LLGL2: variants seen among roughly 807,000 people sequenced by gnomAD.
LLGL2 encodes LLGL scribble cell polarity complex component 2.
Under a neutral mutation model 123.2 loss-of-function variants are expected in LLGL2, and 81 were observed. That is an observed-to-expected ratio of 0.66 (90% CI 0.55 to 0.79). The LOEUF (loss-of-function observed/expected upper bound fraction) is 0.79, where lower values mean the gene tolerates loss of function less well. Among genes scored for constraint, LLGL2 ranks in the 30% least tolerant of loss-of-function variants. The pLI, the probability that LLGL2 is intolerant of heterozygous loss-of-function variation, is 0.00. For missense variants in LLGL2, 1,273 were observed against 1,414.6 expected (o/e 0.90, Z 1.61); for synonymous variants, 577 against 594.1 (o/e 0.97, Z 0.42).
Position 75,563,070 on chromosome 17 carries a change from G to A in LLGL2, c.585G>A (p.Gln195=). Residue 195 remains glutamine, a synonymous_variant, in exon 7 of 26, where the codon CAG becomes CAA. Transcript: ENST00000392550. ...RRVFEMVEAL[Q]EHPRDPNQIL... ...TGTTCGAGATGGTGGAGGCACTGCA[G>A]GAGCACCCTCGAGACCCCAACCAGA... 6.2e-7 allele frequency: 1 copy of A among 1,613,196 alleles called. No individual in the cohort carries two copies. Among genetic ancestry groups the A allele is most frequent in the Non-Finnish European group, 8.5e-7 (1 of 1,180,034 alleles).
chr17:75,572,123 G>C (rs2055741604), intron 19 of LLGL2, 59 bp downstream of exon 19: 1 of 1,529,192 alleles, frequency 6.5e-7, no homozygotes, highest in Non-Finnish European at 8.9e-7. Flanking sequence ...AGGAGGCTCG[G>C]ACCTTGGGCA....
At chr17:75,563,999 A>T (rs2055339614) in intron 9 of LLGL2, among the ~76,000 whole-genome samples, 193 bp downstream of exon 9, 1 of 152,206 alleles carries the variant, frequency 6.6e-6, no homozygotes, top group Admixed American at 6.5e-5. Context: ...TGCCAAGTTC[A>T]TTCTTGCTCC....
rs545621523 is a variant in LLGL2 at position 75,527,431 on chromosome 17, G to A, written c.-31+1606G>A. ...GTGGGGGCTCCTGGACAGGGTTTCC[G>A]GGGTCCAGGGTCATTTGGCATCCCC... On this transcript the variant is annotated intron_variant, in intron 1 of 25. Transcript: ENST00000392550. 9.9e-5 allele frequency among the ~76,000 whole-genome samples: 15 copies of A among 152,200 alleles called. No homozygotes were observed. The South Asian group carries it at 3.1e-3, about 32-fold the overall frequency.
In LLGL2 at chr17:75,564,579, A is replaced by G; in HGVS notation, c.1036+72A>G. ...ATGGGGCAGGACCATCAGTAAAGAC[A>G]GGGCCAGGTGCAGTGGCTCCTGCCT... On this transcript the variant is annotated intron_variant, in intron 10 of 25. Transcript: ENST00000392550. The surrounding 1 kb of genome is among the most constrained non-coding windows in gnomAD (Gnocchi z 4.9). The G allele has an allele frequency of 8.2e-6, 13 of 1,591,154 alleles. No homozygotes were observed. Among genetic ancestry groups the G allele is most frequent in the Non-Finnish European group, 1.1e-5 (13 of 1,164,560 alleles).
In LLGL2 at chr17:75,574,638, G is replaced by T. The variant is rs61751715; in HGVS notation, c.3025G>T (p.Ala1009Ser). The change falls in exon 25 of 26, where the codon GCC (alanine) becomes TCC (serine). Residue 1009 changes from alanine (A) to serine (S), a missense_variant. Transcript: ENST00000392550. ...CGGCAACTGGCGTTCACATCGAGCC[G>T]CCGTGGGGTGCAGCCTCAGCAATGG... ...GSGNWRSHRA[A>S]VGCSLSNGGA... is the part of the protein sequence containing the mutation. The T allele has an allele frequency of 1.2e-6, 2 of 1,612,048 alleles. No homozygotes were observed. Among genetic ancestry groups the T allele is most frequent in the Non-Finnish European group, 1.7e-6 (2 of 1,179,658 alleles).
chr17:75,543,709 CATCTG>C (rs1457012609), intron 2 of LLGL2, among the ~76,000 whole-genome samples: 43 of 152,266 alleles, frequency 2.8e-4, no homozygotes, highest in Non-Finnish European at 4.1e-4. Flanking sequence ...TGGGACTTCT[CATCTG>C]AAGGCTTTCA....
In LLGL2 at chr17:75,573,581, C is replaced by G; in HGVS notation, c.2826C>G (p.Asn942Lys). ...RCLVDSAETK[N>K]HRPGNGAGPK... ...TGGTGGATTCAGCAGAAACCAAGAA[C>G]CACCGCCCTGGTAACGGTGCGGGCC... is the stretch of plus-strand genomic sequence containing the variant. Residue 942 changes from asparagine (N) to lysine (K), a missense_variant, in exon 21 of 26, where the codon AAC becomes AAG. By Grantham distance (94) the Asn-to-Lys change is moderately conservative. Coordinates refer to ENST00000392550, the MANE Select transcript of LLGL2 (RefSeq NM_001031803.2). 1 of 1,612,692 alleles carries G rather than the reference C, an allele frequency of 6.2e-7. No individual in the cohort carries two copies. The highest frequency in any genetic ancestry group is 1.1e-5 in the South Asian group (1 of 91,088).
At chr17:75,545,951 C>T (rs1027159323) in intron 2 of LLGL2, among the ~76,000 whole-genome samples, 7 of 152,122 alleles carry the variant, frequency 4.6e-5, no homozygotes, top group African/African-American at 4.8e-5. Flanking sequence ...TTAGCAGTGT[C>T]CCTAGTCCTA....
Position 75,558,675 on chromosome 17 carries a change from C to T in LLGL2, c.371+48C>T, listed in dbSNP as rs66614718. 286,117 of 1,443,456 alleles carry T rather than the reference C, an allele frequency of 0.2. 32,694 individuals are homozygous for T. Among genetic ancestry groups the T allele is most frequent in the Non-Finnish European group, 0.23 (245,663 of 1,049,376 alleles). 89.4% of individuals were successfully genotyped at this position (1,443,456 alleles called of 1,614,324 possible). On this transcript the variant is annotated intron_variant, in intron 5 of 25. Coordinates refer to ENST00000392550, the MANE Select transcript of LLGL2 (RefSeq NM_001031803.2). This position sits in a 1 kb window ranked among gnomAD's most constrained non-coding sequence, Gnocchi z 4.0. ...CTTCCACTCCCAGCCCAGCCTGACC[C>T]TTGCCCTTAGCTCTGGAGTGGACTC...
Position 75,543,463 on chromosome 17 carries a change from C to G in LLGL2, c.37C>G (p.Arg13Gly). The part of the protein sequence containing the change: ...RFLRPGHDPV[R>G]ERLKRDLFQF... ...CCTGAGGCCAGGGCATGACCCTGTG[C>G]GGGAGAGGCTCAAGCGGGACCTGTT... Residue 13 changes from arginine (R) to glycine (G), a missense_variant, in exon 2 of 26, where the codon CGG becomes GGG. Physicochemically the swap from Arg to Gly is moderately radical, Grantham distance 125. Coordinates refer to ENST00000392550, the MANE Select transcript of LLGL2 (RefSeq NM_001031803.2). 6.2e-7 allele frequency: 1 copy of G among 1,611,890 alleles called. No homozygotes were observed. Among genetic ancestry groups the G allele is most frequent in the Non-Finnish European group, 8.5e-7 (1 of 1,178,776 alleles).
chr17:75,558,846 A>ATCCACACCCTG lies in LLGL2; in HGVS notation c.371+219_371+220insTCCACACCCTG, dbSNP rs1568051979. Reference sequence around the variant, plus strand: ...ACCACGCCTCCTCCATCCGCACCCCACCTCCTCCATCCGCACCCCGCCTCC... The same window carrying ATCCACACCCTG: ...ACCACGCCTCCTCCATCCGCACCCCATCCACACCCTGCCTCCTCCATCCGCACCCCGCCTCC... On this transcript the variant is annotated intron_variant, in intron 5 of 25. Transcript: ENST00000392550. This position sits in a 1 kb window ranked among gnomAD's most constrained non-coding sequence, Gnocchi z 4.0. 1 of 288,374 alleles carries ATCCACACCCTG rather than the reference A, an allele frequency of 3.5e-6. No homozygotes were observed. Among genetic ancestry groups the ATCCACACCCTG allele is most frequent in the African/African-American group, 4.3e-5 (1 of 23,202 alleles). The allele number at this position is 288,374 out of a possible 1,614,324, so 17.9% of individuals were successfully genotyped here. A position where few individuals can be genotyped will look rare whatever the true frequency, so the allele number is the denominator to read the frequency against.
chr17:75,544,528 C>T lies in LLGL2; in HGVS notation c.75+1027C>T, dbSNP rs2054340190. Reference sequence around the variant, plus strand: ...TGCCCAGGTGCAAACCCAACTTTGCCACATAGAAGCTGGATGGCCGTGTGC... The same window carrying T: ...TGCCCAGGTGCAAACCCAACTTTGCTACATAGAAGCTGGATGGCCGTGTGC... On this transcript the variant is annotated intron_variant, in intron 2 of 25. Transcript: ENST00000392550. The surrounding 1 kb of genome is among the most constrained non-coding windows in gnomAD (Gnocchi z 4.2). 6.6e-6 allele frequency among the ~76,000 whole-genome samples: 1 copy of T among 152,238 alleles called. No individual in the cohort carries two copies. Among genetic ancestry groups the T allele is most frequent in the Non-Finnish European group, 1.5e-5 (1 of 68,042 alleles).
At chr17:75,546,115 G>A (rs4073421) in intron 2 of LLGL2, 47,822 of 152,172 alleles carry the variant, frequency 0.31, 8,595 homozygotes, top group South Asian at 0.57. Flanking sequence ...CAGTAAAGAG[G>A]GAGGGGATGG....
rs557015408 is a variant in LLGL2 at position 75,544,011 on chromosome 17, G to C, written c.75+510G>C. On this transcript the variant is annotated intron_variant, in intron 2 of 25. Transcript: ENST00000392550. The surrounding 1 kb of genome is among the most constrained non-coding windows in gnomAD (Gnocchi z 4.2). ...ACGTGATTCCTTCTGGCTCCGGCCG[G>C]GGTGAGTGGGGAGAGGTGCCCAGGA... is the stretch of plus-strand genomic sequence containing the variant. Among the ~76,000 whole-genome samples, 1 of 152,306 alleles carries C rather than the reference G, an allele frequency of 6.6e-6. No individual in the cohort carries two copies. The highest frequency in any genetic ancestry group is 2.4e-5 in the African/African-American group (1 of 41,564).
At chr17:75,530,452 C>T (rs2053738005) in intron 1 of LLGL2, among the ~76,000 whole-genome samples, 1 of 152,080 alleles carries the variant, frequency 6.6e-6, no homozygotes, top group Non-Finnish European at 1.5e-5. Flanking sequence ...AGATCGAGAC[C>T]ATCCTGGCTA....
rs1289539643 is a variant in LLGL2 at position 75,544,192 on chromosome 17, G to A, written c.75+691G>A. The stretch of plus-strand genomic sequence containing the variant: ...TGCAGTGTGGCTCTTCAGCTCCCGG[G>A]CCACCAAGCAGTGTGGGGCCTTGTG... On this transcript the variant is annotated intron_variant, in intron 2 of 25. Transcript: ENST00000392550. This position sits in a 1 kb window ranked among gnomAD's most constrained non-coding sequence, Gnocchi z 4.2. Among the ~76,000 whole-genome samples the A allele has an allele frequency of 6.6e-6, 1 of 152,226 alleles. No individual in the cohort carries two copies. The highest frequency in any genetic ancestry group is 2.4e-5 in the African/African-American group (1 of 41,454).
Position 75,525,774 on chromosome 17 carries a change from CGG to C in LLGL2, c.-80_-79del, listed in dbSNP as rs1233388994. ...GCGGCGGAGCGAGCGGGGCCGGCGG[CGG>C]GCGCCGAGGGACGCCGAGGCCTCGG... On this transcript the variant is annotated 5_prime_UTR_variant, in exon 1 of 26. Coordinates refer to ENST00000392550, the MANE Select transcript of LLGL2 (RefSeq NM_001031803.2). This position sits in a 1 kb window ranked among gnomAD's most constrained non-coding sequence, Gnocchi z 4.8. 17 of 101,256 alleles carry C rather than the reference CGG, an allele frequency of 1.7e-4. No individual in the cohort carries two copies. Among genetic ancestry groups the C allele is most frequent in the Non-Finnish European group, 4.2e-4 (16 of 37,690 alleles). The allele number at this position is 101,256 out of a possible 1,614,324, so 6.3% of individuals were successfully genotyped here. A position where few individuals can be genotyped will look rare whatever the true frequency, so the allele number is the denominator to read the frequency against.
chr17:75,563,090 A>G lies in LLGL2; in HGVS notation c.605A>G (p.Asn202Ser), dbSNP rs772675552. Residue 202 changes from asparagine (N) to serine (S), a missense_variant, in exon 7 of 26, where the codon AAC becomes AGC. Asn to Ser is a conservative substitution (Grantham distance 46, BLOSUM62 1). Transcript: ENST00000392550. ...EALQEHPRDP[N>S]QILIGYSRGL... ...CTGCAGGAGCACCCTCGAGACCCCAACCAGATCCTGATCGGCTACAGCCGA... is the reference window on the plus strand; with the variant it reads ...CTGCAGGAGCACCCTCGAGACCCCAGCCAGATCCTGATCGGCTACAGCCGA... 2.5e-5 allele frequency: 41 copies of G among 1,613,140 alleles called. No individual in the cohort carries two copies. The highest frequency in any genetic ancestry group is 6.7e-5 in the African/African-American group (5 of 74,942).
rs2054316789 is a variant in LLGL2 at position 75,544,054 on chromosome 17, C to T, written c.75+553C>T. Among the ~76,000 whole-genome samples the T allele has an allele frequency of 6.6e-6, 1 of 152,112 alleles. No individual in the cohort carries two copies. The highest frequency in any genetic ancestry group is 6.5e-5 in the Admixed American group (1 of 15,274). ...GCCCAGGAGAATGAGCCGGAGTTGG[C>T]CTCGGACTACCCCAATCCCAAACCT... On this transcript the variant is annotated intron_variant, in intron 2 of 25. Transcript: ENST00000392550. The surrounding 1 kb of genome is among the most constrained non-coding windows in gnomAD (Gnocchi z 4.2).
Sources: allele counts gnomAD v4.1 joint callset (sites outside exome capture counted in the v4.1 genomes callset), GRCh38; gene constraint gnomAD v4.1.1; non-coding constraint Gnocchi (gnomAD v3.1); transcripts MANE v1.5; gene names NCBI Gene and HGNC (gene_info 2026-07-23, HGNC 2026-07-21).